The following TBC1D1 variants were observed in gnomAD, a reference collection of about 807,000 sequenced individuals.
TBC1D1 encodes the protein TBC1 (tre-2/USP6, BUB2, cdc16) domain family, member 1.
A neutral mutation model predicts 125.6 loss-of-function variants in TBC1D1; 89 were observed. The ratio of observed to expected loss-of-function variants is 0.71; its 90% CI spans 0.60 to 0.85. The LOEUF (loss-of-function observed/expected upper bound fraction) is 0.85, where lower values mean the gene tolerates loss of function less well. Among genes scored for constraint, TBC1D1 ranks in the 40% least tolerant of loss-of-function variants. The probability of loss-of-function intolerance (pLI) is 0.00; values close to 1 mark genes in which losing one functional copy is unlikely to be tolerated. For missense variants in TBC1D1, 1,377 were observed against 1,469.2 expected, an observed-to-expected ratio of 0.94 and a Z score of 1.03; for synonymous variants, 565 against 564.1, an observed-to-expected ratio of 1.00 and a Z score of -0.02.
At chr4:37,964,816 T>C in intron 2 of TBC1D1, among the ~76,000 whole-genome samples, 1 of 152,376 alleles carries the variant, frequency 6.6e-6, no homozygotes, top group East Asian at 1.9e-4. Flanking sequence ...TTCATGTCTA[T>C]TTGTATCTCA....
In TBC1D1 at chr4:38,097,483, G is replaced by A. The variant is rs552386102; in HGVS notation, c.2398+1393G>A. 2.7e-4 allele frequency among the ~76,000 whole-genome samples: 41 copies of A among 152,216 alleles called. No individual in the cohort carries two copies. The South Asian group carries it at 7.9e-3, about 29-fold the overall frequency. On this transcript the variant is annotated intron_variant, in intron 14 of 19. Transcript: ENST00000261439. ...GCCTCCTGAGTAGCTGGGACTACAGGTGCCCGCCACCATGCCCGGGTAAAT... is the reference window on the plus strand; with the variant it reads ...GCCTCCTGAGTAGCTGGGACTACAGATGCCCGCCACCATGCCCGGGTAAAT...
At chr4:37,903,127 C>A (rs1350030772) in intron 2 of TBC1D1, among the ~76,000 whole-genome samples, 8 of 152,076 alleles carry the variant, frequency 5.3e-5, no homozygotes, top group Admixed American at 4.6e-4. Context: ...AGTTTTGATG[C>A]GATCAGGGGT....
intron 4 of TBC1D1, among the ~76,000 whole-genome samples, chr4:38,019,893 A>C (rs1392771603): frequency 6.6e-6 from 1 of 152,104 alleles, no homozygotes; most frequent in African/African-American, 2.4e-5. Context: ...ATACAAATAT[A>C]TTTTAAATAT....
Position 38,131,096 on chromosome 4 carries a change from C to T in TBC1D1, c.3133-1988C>T, listed in dbSNP as rs541909762. On this transcript the variant is annotated intron_variant, in intron 18 of 19. Transcript: ENST00000261439. ...TGAAGGGCCTAGGAGTCTTGGCAGT[C>T]AGGAGATCATCAGGCAATTAAGCAG... 1.1e-3 allele frequency among the ~76,000 whole-genome samples: 168 copies of T among 152,286 alleles called. 1 individual carries two copies. Among genetic ancestry groups the T allele is most frequent in the Non-Finnish European group, 2.1e-3 (140 of 68,034 alleles).
rs548495423 is a variant in TBC1D1, at chr4:37,940,115, G to A, written c.417+37603G>A. Among the ~76,000 whole-genome samples, 1,427 of 152,314 alleles carry A rather than the reference G, an allele frequency of 9.4e-3. 9 individuals are homozygous for A. Among genetic ancestry groups the A allele is most frequent in the Middle Eastern group, 0.061 (18 of 294 alleles). ...TTGAATCTATAAATTACCTTGGGCA[G>A]TATGGCCATTTTCACAATATTGATT... is the stretch of plus-strand genomic sequence containing the variant. On this transcript the variant is annotated intron_variant, in intron 2 of 19. Transcript: ENST00000261439.
chr4:38,035,210 C>T (rs1424216417), intron 7 of TBC1D1, among the ~76,000 whole-genome samples: 1 of 152,204 alleles, frequency 6.6e-6, no homozygotes, highest in African/African-American at 2.4e-5. Context: ...TTGCTGTTTT[C>T]CTTGCCCGTT....
intron 2 of TBC1D1, among the ~76,000 whole-genome samples, chr4:37,947,137 T>C (rs1453912157): frequency 6.6e-6 from 1 of 152,090 alleles, no homozygotes; most frequent in Non-Finnish European, 1.5e-5. Context: ...TGCTACATAA[T>C]TCTGTTTATT....
intron 2 of TBC1D1, among the ~76,000 whole-genome samples, chr4:38,006,467 C>T (rs1167259029): frequency 2.1e-5 from 3 of 144,588 alleles, no homozygotes; most frequent in Non-Finnish European, 3.0e-5. Flanking sequence ...CTTGAGGGAC[C>T]AACACTATTT....
chr4:38,111,808 T>A, intron 15 of TBC1D1: 3 of 352,830 alleles, frequency 8.5e-6, no homozygotes, highest in Non-Finnish European at 8.0e-6. Context: ...TCTCCCCCAA[T>A]AGAATTTCGT....
At chr4:38,120,088 T>A (rs973266489) in intron 17 of TBC1D1, 1 of 985,326 alleles carries the variant, frequency 1.0e-6, no homozygotes, top group Non-Finnish European at 1.2e-6. Context: ...ACTTCATAAA[T>A]CAAAGCTGCA....
rs955494153 is a variant in TBC1D1, at chr4:38,011,509, G to T, written c.418-3000G>T. Among the ~76,000 whole-genome samples, 7 of 152,186 alleles carry T rather than the reference G, an allele frequency of 4.6e-5. No individual in the cohort carries two copies. The South Asian group carries it at 1.4e-3, about 32-fold the overall frequency. On this transcript the variant is annotated intron_variant, in intron 2 of 19. Transcript: ENST00000261439. The stretch of plus-strand genomic sequence containing the variant: ...TAAAGTAATGTTTAAATGGAATTAG[G>T]CTTTTTAACTATTTGCAATTTGTTG...
In TBC1D1 at chr4:38,014,863, A is replaced by G. The variant is rs1177252678; in HGVS notation, c.772A>G (p.Ser258Gly). The change falls in exon 3 of 20, where the codon AGC (serine) becomes GGC (glycine). Residue 258 changes from serine (S) to glycine (G), a missense_variant. Coordinates refer to ENST00000261439, the MANE Select transcript of TBC1D1 (RefSeq NM_015173.4). The surrounding 1 kb of genome is among the most constrained non-coding windows in gnomAD (Gnocchi z 5.1). Reference sequence around the variant, plus strand: ...GCTGCAGGATGGGGGCCTCCGAAGCAGCGGCTTCTTCAGCTCCTTCGAGGA... The same window carrying G: ...GCTGCAGGATGGGGGCCTCCGAAGCGGCGGCTTCTTCAGCTCCTTCGAGGA... 1.2e-6 allele frequency: 2 copies of G among 1,611,694 alleles called. No homozygotes were observed. The highest frequency in any genetic ancestry group is 4.5e-5 in the East Asian group (2 of 44,766).
intron 11 of TBC1D1, among the ~76,000 whole-genome samples, chr4:38,053,755 T>C (rs1751160101): frequency 1.3e-5 from 2 of 152,248 alleles, no homozygotes; most frequent in Admixed American, 1.3e-4. Context: ...TTCTGTGTAA[T>C]TAAATTGCAA....
At chr4:38,000,708 A>C (rs543515109) in intron 2 of TBC1D1, among the ~76,000 whole-genome samples, 2 of 152,150 alleles carry the variant, frequency 1.3e-5, no homozygotes, top group African/African-American at 4.8e-5. Context: ...CTGGTCACCA[A>C]CTGGGTCTCC....
intron 2 of TBC1D1, among the ~76,000 whole-genome samples, chr4:37,985,016 G>GATC (rs1000688248): frequency 6.6e-6 from 1 of 151,790 alleles, no homozygotes; most frequent in African/African-American, 2.4e-5. Context: ...GCAGTGGCGT[G>GATC]ATCTCGGCTC....
At chr4:38,118,522 T>C in intron 17 of TBC1D1, 1 of 225,374 alleles carries the variant, frequency 4.4e-6, no homozygotes, top group African/African-American at 2.3e-5. Flanking sequence ...TCTCATGAAT[T>C]GCCTTCCTCA....
chr4:38,082,461 C>G (rs1157686641), intron 12 of TBC1D1, among the ~76,000 whole-genome samples: 3 of 152,250 alleles, frequency 2.0e-5, no homozygotes, highest in Non-Finnish European at 4.4e-5. Flanking sequence ...AAGATTCTGG[C>G]TGAGGCGGAA....
chr4:38,112,087 C>A (rs751528868), intron 15 of TBC1D1: 39 of 985,210 alleles, frequency 4.0e-5, no homozygotes, highest in Non-Finnish European at 4.6e-5. Flanking sequence ...ATCCTGGAAG[C>A]CTTGACCAGT....
At chr4:38,028,875 T>C (rs1360389074) in intron 7 of TBC1D1, among the ~76,000 whole-genome samples, 1 of 148,488 alleles carries the variant, frequency 6.7e-6, no homozygotes, top group African/African-American at 2.6e-5. Context: ...CCCCAACACC[T>C]TTTTTTTTCA....
Sources: allele counts gnomAD v4.1 joint callset (sites outside exome capture counted in the v4.1 genomes callset), GRCh38; gene constraint gnomAD v4.1.1; non-coding constraint Gnocchi (gnomAD v3.1); transcripts MANE v1.5; gene names NCBI Gene and HGNC (gene_info 2026-07-23, HGNC 2026-07-21).